BRINP1: variants seen among roughly 807,000 people sequenced by gnomAD.
BRINP1 encodes BMP/retinoic acid inducible neural specific 1, also known as BMP/retinoic acid-inducible neural-specific protein 1.
BRINP1 carries 17 observed loss-of-function variants against 72.9 expected under a neutral mutation model. That is an observed-to-expected ratio of 0.23 (90% CI 0.16 to 0.35). The LOEUF (loss-of-function observed/expected upper bound fraction) is 0.35, where lower values mean the gene tolerates loss of function less well. Ranked by LOEUF, BRINP1 falls within the 10% of genes least tolerant of loss-of-function variation. The probability of loss-of-function intolerance (pLI) is 1.00; values close to 1 mark genes in which losing one functional copy is unlikely to be tolerated. For synonymous variants in BRINP1, 418 were observed against 378.5 expected (o/e 1.10, Z -1.21); for missense variants, 850 against 1,001.6 (o/e 0.85, Z 2.04).
chr9:119,256,383 T>C (rs775678355), intron 2 of BRINP1, among the ~76,000 whole-genome samples: 64 of 152,166 alleles, frequency 4.2e-4, no homozygotes, highest in Non-Finnish European at 8.1e-4. Context: ...GATAAAACTT[T>C]AGGGAAAGGT....
rs899763132 is a variant in BRINP1, at chr9:119,200,850, GA to G, written c.1145+7868del. Among the ~76,000 whole-genome samples the G allele has an allele frequency of 1.5e-3, 233 of 151,402 alleles. 1 individual carries two copies. The highest frequency in any genetic ancestry group is 2.9e-3 in the Non-Finnish European group (196 of 67,824). ...GAAGCTACCATAGTGAAGAACAAAA[GA>G]AAAAAAAGGAAGCACATTCAAGCAG... On this transcript the variant is annotated intron_variant, in intron 7 of 7. Coordinates refer to ENST00000265922, the MANE Select transcript of BRINP1 (RefSeq NM_014618.3).
chr9:119,306,866 T>C (rs1305903054), intron 2 of BRINP1, among the ~76,000 whole-genome samples: 2 of 152,138 alleles, frequency 1.3e-5, no homozygotes, highest in Non-Finnish European at 2.9e-5. Flanking sequence ...CTTTCCCCAT[T>C]TTATTCTATG....
chr9:119,241,257 G>A (rs1588174509), intron 4 of BRINP1, among the ~76,000 whole-genome samples: 1 of 152,188 alleles, frequency 6.6e-6, no homozygotes, highest in East Asian at 1.9e-4. Flanking sequence ...CAGATACAGG[G>A]CCTTTCCACC....
chr9:119,205,038 C>A (rs1023496367), intron 7 of BRINP1, among the ~76,000 whole-genome samples: 2 of 152,200 alleles, frequency 1.3e-5, no homozygotes, highest in Admixed American at 6.5e-5. Context: ...AGTTCATTTG[C>A]AAATACCAGC....
At chr9:119,312,658 G>C (rs920438380) in intron 2 of BRINP1, among the ~76,000 whole-genome samples, 3 of 152,004 alleles carry the variant, frequency 2.0e-5, no homozygotes, top group African/African-American at 7.3e-5. Flanking sequence ...TAGGATATTG[G>C]GTACATCAGC....
At chr9:119,222,481 T>C (rs983720732) in intron 5 of BRINP1, among the ~76,000 whole-genome samples, 1 of 152,072 alleles carries the variant, frequency 6.6e-6, no homozygotes, top group Non-Finnish European at 1.5e-5. Context: ...ACTCTTCTAC[T>C]AGATGACCAT....
chr9:119,285,201 CA>C (rs58381406), intron 2 of BRINP1, among the ~76,000 whole-genome samples: 12,597 of 120,892 alleles, frequency 0.1, 572 homozygotes, highest in African/African-American at 0.17. Flanking sequence ...TTGCAGGCAT[CA>C]AAAAAAAAAA....
chr9:119,272,378 C>T (rs60132674), intron 2 of BRINP1, among the ~76,000 whole-genome samples: 2,335 of 152,106 alleles, frequency 0.015, 31 homozygotes, highest in East Asian at 0.052. Flanking sequence ...CCACTGCGCC[C>T]GGCAGGAAAT....
At chr9:119,355,653 T>C (rs983281527) in intron 1 of BRINP1, among the ~76,000 whole-genome samples, 9 of 148,026 alleles carry the variant, frequency 6.1e-5, no homozygotes, top group African/African-American at 1.0e-4. Context: ...GGTGTGAACC[T>C]GGGAGGCGGA....
intron 1 of BRINP1, among the ~76,000 whole-genome samples, chr9:119,319,604 T>C (rs2119002590): frequency 6.6e-6 from 1 of 152,340 alleles, no homozygotes; most frequent in Admixed American, 6.5e-5. Flanking sequence ...TATTGGTATT[T>C]ATTGAGCATC....
intron 1 of BRINP1, among the ~76,000 whole-genome samples, chr9:119,348,779 C>T (rs1564254390): frequency 6.6e-6 from 1 of 152,098 alleles, no homozygotes; most frequent in Non-Finnish European, 1.5e-5. Context: ...TGGACTTTGC[C>T]TTATTCATTT....
chr9:119,168,256 G>C, intron 7 of BRINP1, 32 bp from the exon 8 acceptor site: 2 of 1,466,628 alleles, frequency 1.4e-6, no homozygotes, highest in Admixed American at 2.5e-5. Flanking sequence ...GAGAAGGTTA[G>C]CTACCATGAG....
chr9:119,173,937 G>T (rs1829449813), intron 7 of BRINP1, among the ~76,000 whole-genome samples: 1 of 128,412 alleles, frequency 7.8e-6, no homozygotes. Flanking sequence ...CTAGCCATAT[G>T]TAGAAAGCTG....
rs1188333643 is a variant in BRINP1, at chr9:119,313,413, A to G, written c.-50-8T>C. ...GCTCCATTCTGTGGAGTCCTATAGAAGAAAGAATAAAAAAGAGAGAGAAAA... is the reference window on the plus strand; with the variant it reads ...GCTCCATTCTGTGGAGTCCTATAGAGGAAAGAATAAAAAAGAGAGAGAAAA... On this transcript the variant is annotated splice_region_variant and splice_polypyrimidine_tract_variant and intron_variant, in intron 1 of 7. Transcript: ENST00000265922. 1.3e-6 allele frequency: 2 copies of G among 1,556,026 alleles called. No homozygotes were observed. Among genetic ancestry groups the G allele is most frequent in the African/African-American group, 2.8e-5 (2 of 72,288 alleles).
At chr9:119,307,803 T>C (rs952744341) in intron 2 of BRINP1, among the ~76,000 whole-genome samples, 24 of 152,156 alleles carry the variant, frequency 1.6e-4, no homozygotes, top group Admixed American at 3.9e-4. Flanking sequence ...TACTGTTACA[T>C]AGTCTAATAT....
intron 7 of BRINP1, among the ~76,000 whole-genome samples, chr9:119,177,441 C>A (rs1483287859): frequency 6.6e-6 from 1 of 152,188 alleles, no homozygotes; most frequent in Admixed American, 6.5e-5. Flanking sequence ...CTCCACACGG[C>A]CCTGATTGCG....
chr9:119,291,588 T>C (rs1326186786), intron 2 of BRINP1, among the ~76,000 whole-genome samples: 1 of 152,226 alleles, frequency 6.6e-6, no homozygotes, highest in East Asian at 1.9e-4. Flanking sequence ...GTTCTGTACA[T>C]ATGTTTACAA....
chr9:119,168,944 A>G (rs1487459875), intron 7 of BRINP1, among the ~76,000 whole-genome samples: 2 of 152,328 alleles, frequency 1.3e-5, no homozygotes, highest in Middle Eastern at 3.4e-3. Flanking sequence ...AGGAGCTACA[A>G]TGAGAAATAC....
At chr9:119,350,044 G>A (rs1033003394) in intron 1 of BRINP1, among the ~76,000 whole-genome samples, 19 of 152,192 alleles carry the variant, frequency 1.2e-4, no homozygotes, top group African/African-American at 4.1e-4. Context: ...CACTCAAAAC[G>A]GACATGTTTG....
Sources: allele counts gnomAD v4.1 joint callset (sites outside exome capture counted in the v4.1 genomes callset), GRCh38; gene constraint gnomAD v4.1.1; transcripts MANE v1.5; gene names NCBI Gene and HGNC (gene_info 2026-07-23, HGNC 2026-07-21).